Variants in EIF2AK1 observed in about 807,000 individuals in gnomAD.
EIF2AK1 encodes eukaryotic translation initiation factor 2-alpha kinase 1.
EIF2AK1 carries 54 observed loss-of-function variants against 77.9 expected under a neutral mutation model. That is an observed-to-expected ratio of 0.69 (90% CI 0.56 to 0.87). The LOEUF (loss-of-function observed/expected upper bound fraction) is 0.87, where lower values mean the gene tolerates loss of function less well. Among genes scored for constraint, EIF2AK1 ranks in the 40% least tolerant of loss-of-function variants. The pLI is 0.00. For synonymous variants in EIF2AK1, 314 were observed against 290.5 expected (o/e 1.08, Z -0.82); for missense variants, 810 against 768.6 (o/e 1.05, Z -0.64).
intron 1 of EIF2AK1, among the ~76,000 whole-genome samples, chr7:6,056,613 A>AAAAAT: frequency 6.9e-5 from 3 of 43,738 alleles, no homozygotes; most frequent in African/African-American, 1.6e-4. Context: ...AAAAAAAAAA[A>AAAAAT]ATATATATAT....
chr7:6,054,405 T>C (rs1156652817), intron 2 of EIF2AK1, 141 bp downstream of exon 2: 5 of 852,742 alleles, frequency 5.9e-6, no homozygotes, highest in East Asian at 5.4e-5. Flanking sequence ...GGTTTCGTCA[T>C]GTTAGCCAAA....
At position 6,024,136 on chromosome 7, in the gene EIF2AK1, A is replaced by G; in HGVS notation, c.*537T>C. ...TAAACTGAAGGTGGAGAGAACAGAT[A>G]AAAAGGTTGGAAGTTGCACACTGTA... On this transcript the variant is annotated 3_prime_UTR_variant, in exon 15 of 15. Transcript: ENST00000199389. 13 of 1,294,424 alleles carry G rather than the reference A, an allele frequency of 1.0e-5. No individual in the cohort carries two copies. The highest frequency in any genetic ancestry group is 1.3e-5 in the Non-Finnish European group (13 of 992,448). 80.2% of individuals were successfully genotyped at this position (1,294,424 alleles called of 1,614,324 possible). A position where few individuals can be genotyped will look rare whatever the true frequency, so the allele number is the denominator to read the frequency against.
At chr7:6,053,831 G>A (rs1788676646) in intron 2 of EIF2AK1, among the ~76,000 whole-genome samples, 1 of 106,244 alleles carries the variant, frequency 9.4e-6, no homozygotes, top group South Asian at 3.1e-4. Context: ...TTACGCCTGG[G>A]TAGTTTTGCA....
rs1403545852 is a variant in EIF2AK1 at position 6,032,311 on chromosome 7, C to T, written c.1333-3279G>A. On this transcript the variant is annotated intron_variant, in intron 11 of 14. Coordinates refer to ENST00000199389, the MANE Select transcript of EIF2AK1 (RefSeq NM_014413.4). The surrounding 1 kb of genome is among the most constrained non-coding windows in gnomAD (Gnocchi z 4.3). ...CCTCCCTTGTACCCTACTGTCTTAT[C>T]TTGCAGCCACGGTGTGAAACCACTA... Among the ~76,000 whole-genome samples the T allele has an allele frequency of 1.3e-5, 2 of 152,234 alleles. No homozygotes were observed. Among genetic ancestry groups the T allele is most frequent in the Non-Finnish European group, 2.9e-5 (2 of 68,038 alleles).
At chr7:6,044,833 C>G (rs759863419) in intron 6 of EIF2AK1, among the ~76,000 whole-genome samples, 172 bp from the exon 7 acceptor site, 1 of 152,064 alleles carries the variant, frequency 6.6e-6, no homozygotes, top group Non-Finnish European at 1.5e-5. Flanking sequence ...TTGCAGTATG[C>G]GGTGCATGAG....
chr7:6,048,719 ATAT>A, intron 4 of EIF2AK1, 85 bp downstream of exon 4: 1 of 1,070,420 alleles, frequency 9.3e-7, no homozygotes, highest in Non-Finnish European at 1.4e-6. Flanking sequence ...AATACTAACA[ATAT>A]TATGTTTTAA....
In EIF2AK1 at chr7:6,058,779, A is replaced by C. The variant is rs553169306; in HGVS notation, c.118+187T>G. Among the ~76,000 whole-genome samples the C allele has an allele frequency of 9.8e-5, 15 of 152,294 alleles. No individual in the cohort carries two copies. In the South Asian group the frequency reaches 3.1e-3, roughly 32 times the overall value. On this transcript the variant is annotated intron_variant, in intron 1 of 14. Coordinates refer to ENST00000199389, the MANE Select transcript of EIF2AK1 (RefSeq NM_014413.4). ...GGAGAGGCAGACGTTCTTTTCAATA[A>C]ATATTTACCTTACCCGACGGCCCGC...
chr7:6,038,717 C>T (rs191309410), intron 9 of EIF2AK1, 46 bp from the exon 10 acceptor site: 7 of 1,483,894 alleles, frequency 4.7e-6, no homozygotes, highest in Non-Finnish European at 6.5e-6. Flanking sequence ...ACGATTCACT[C>T]GCATTATTCA....
At chr7:6,044,247 G>A (rs999303186) in intron 7 of EIF2AK1, among the ~76,000 whole-genome samples, 4 of 152,070 alleles carry the variant, frequency 2.6e-5, no homozygotes, top group South Asian at 2.1e-4. Flanking sequence ...GGCGAATCAC[G>A]AGGTCAGGAG....
chr7:6,053,241 T>A (rs951221361), intron 2 of EIF2AK1, among the ~76,000 whole-genome samples: 9 of 152,156 alleles, frequency 5.9e-5, no homozygotes, highest in Non-Finnish European at 1.0e-4. Context: ...TTTATGGGGG[T>A]ACATGAGATA....
Position 6,033,834 on chromosome 7 carries a change from G to A in EIF2AK1, c.1332+3590C>T, listed in dbSNP as rs937066512. ...TCCGTCCACCTCAGCCTCCCAAAGT[G>A]CTGGGATTACAGGCGTGAGCCGCCG... On this transcript the variant is annotated intron_variant, in intron 11 of 14. Transcript: ENST00000199389. The surrounding 1 kb of genome is among the most constrained non-coding windows in gnomAD (Gnocchi z 4.4). 6.6e-6 allele frequency among the ~76,000 whole-genome samples: 1 copy of A among 151,846 alleles called. No homozygotes were observed. Among genetic ancestry groups the A allele is most frequent in the Non-Finnish European group, 1.5e-5 (1 of 67,978 alleles).
chr7:6,024,615 C>G lies in EIF2AK1; in HGVS notation c.*58G>C. On this transcript the variant is annotated 3_prime_UTR_variant, in exon 15 of 15. Transcript: ENST00000199389. ...CAACGAAGCATTGTACCAACTATAC[C>G]CTAATAAAGATTAAAAATTTACATT... The G allele has an allele frequency of 6.2e-7, 1 of 1,609,706 alleles. No individual in the cohort carries two copies. The highest frequency in any genetic ancestry group is 8.5e-7 in the Non-Finnish European group (1 of 1,178,524).
intron 7 of EIF2AK1, 92 bp downstream of exon 7, chr7:6,044,470 G>A: frequency 1.0e-6 from 1 of 970,252 alleles, no homozygotes; most frequent in South Asian, 1.6e-5. Flanking sequence ...TTCTCAGCTT[G>A]TGGTATGTAC....
intron 6 of EIF2AK1, among the ~76,000 whole-genome samples, chr7:6,045,733 T>TTATATA (rs57579824): frequency 0.026 from 3,603 of 137,968 alleles, 181 homozygotes; most frequent in African/African-American, 0.089. Context: ...ATTTTAAAAA[T>TTATATA]TATATATATA....
chr7:6,050,645 C>T (rs1788583282), intron 2 of EIF2AK1, among the ~76,000 whole-genome samples: 1 of 148,080 alleles, frequency 6.8e-6, no homozygotes, highest in South Asian at 2.1e-4. Context: ...CTCTGTCACG[C>T]AGGCTAGAGT....
Position 6,024,043 on chromosome 7 carries a change from G to C in EIF2AK1, c.*630C>G, listed in dbSNP as rs12657. Reference sequence around the variant, plus strand: ...CAGGGCAAAGGCAGGAAAGAGATCTGAGCTGCCTGGAGATCATCTGGGGTG... The same window carrying C: ...CAGGGCAAAGGCAGGAAAGAGATCTCAGCTGCCTGGAGATCATCTGGGGTG... On this transcript the variant is annotated 3_prime_UTR_variant, in exon 15 of 15. Coordinates refer to ENST00000199389, the MANE Select transcript of EIF2AK1 (RefSeq NM_014413.4). 19 of 1,312,924 alleles carry C rather than the reference G, an allele frequency of 1.4e-5. No homozygotes were observed. Among genetic ancestry groups the C allele is most frequent in the Non-Finnish European group, 1.9e-5 (19 of 1,005,382 alleles). The allele number at this position is 1,312,924 out of a possible 1,614,324, so 81.3% of individuals were successfully genotyped here.
intron 7 of EIF2AK1, 51 bp from the exon 8 acceptor site, chr7:6,043,044 T>G: frequency 6.4e-7 from 1 of 1,569,786 alleles, no homozygotes; most frequent in Non-Finnish European, 8.8e-7. Flanking sequence ...TTTTTCAAAT[T>G]GTAGTCAAAG....
In EIF2AK1 at chr7:6,026,935, G is replaced by A. The variant is rs757932036; in HGVS notation, c.1557C>T (p.Val519=). Residue 519 remains valine, a synonymous_variant, in exon 14 of 15, where the codon GTC becomes GTT. Transcript: ENST00000199389. The part of the protein sequence containing the change: ...AKSDMYSLGV[V]LLELFQPFGT... ...CAAACGGCTGAAAGAGCTCTAGCAG[G>A]ACCACACCCAAGCTGTACATATCTG... 6.2e-7 allele frequency: 1 copy of A among 1,614,054 alleles called. No homozygotes were observed. Among genetic ancestry groups the A allele is most frequent in the Non-Finnish European group, 8.5e-7 (1 of 1,180,016 alleles).
chr7:6,054,396 G>A (rs1292871751), intron 2 of EIF2AK1, 150 bp downstream of exon 2: 2 of 753,468 alleles, frequency 2.7e-6, no homozygotes, highest in Non-Finnish European at 4.2e-6. Flanking sequence ...TAAAGAGGGG[G>A]TTTCGTCATG....
Sources: allele counts gnomAD v4.1 joint callset (sites outside exome capture counted in the v4.1 genomes callset), GRCh38; gene constraint gnomAD v4.1.1; non-coding constraint Gnocchi (gnomAD v3.1); transcripts MANE v1.5; gene names NCBI Gene and HGNC (gene_info 2026-07-23, HGNC 2026-07-21).